The following PEPD variants were observed in gnomAD, a reference collection of about 807,000 sequenced individuals.
PEPD encodes the protein xaa-Pro dipeptidase.
PEPD carries 53 observed loss-of-function variants against 60.7 expected under a neutral mutation model. The ratio of observed to expected loss-of-function variants is 0.87; its 90% confidence interval spans 0.70 to 1.10. The LOEUF (loss-of-function observed/expected upper bound fraction) is 1.10, where lower values mean the gene tolerates loss of function less well. PEPD is among the 50% of genes least tolerant of loss of function. The pLI is 0.00. For missense variants in PEPD, 711 were observed against 711.9 expected (o/e 1.00, Z 0.01); for synonymous variants, 267 against 284.1 (o/e 0.94, Z 0.60).
chr19:33,457,917 C>T (rs1297909997), intron 9 of PEPD, among the ~76,000 whole-genome samples: 1 of 152,238 alleles, frequency 6.6e-6, no homozygotes, highest in Non-Finnish European at 1.5e-5. Context: ...TTGCAACCTG[C>T]TCCCAGGCTG....
chr19:33,402,365 G>A (rs1968516876), intron 11 of PEPD, among the ~76,000 whole-genome samples: 1 of 152,210 alleles, frequency 6.6e-6, no homozygotes, highest in African/African-American at 2.4e-5. Context: ...GGAGGGGGCT[G>A]GGCAGGGACC....
chr19:33,473,069 G>A (rs1232523743), intron 7 of PEPD, among the ~76,000 whole-genome samples: 1 of 151,942 alleles, frequency 6.6e-6, no homozygotes, highest in Non-Finnish European at 1.5e-5. Context: ...GCCAGGGACG[G>A]GCAGACGTGG....
intron 5 of PEPD, among the ~76,000 whole-genome samples, chr19:33,491,387 C>A (rs756811716): frequency 1.1e-4 from 16 of 152,112 alleles, no homozygotes; most frequent in Non-Finnish European, 1.9e-4. Flanking sequence ...GAGGTGGAGG[C>A]TGCGGTGAGC....
intron 9 of PEPD, among the ~76,000 whole-genome samples, chr19:33,447,142 T>A (rs1969608891): frequency 6.6e-6 from 1 of 152,148 alleles, no homozygotes; most frequent in Admixed American, 6.5e-5. Flanking sequence ...AAGAGTTCTA[T>A]CCCCAGGTGC....
intron 1 of PEPD, among the ~76,000 whole-genome samples, chr19:33,521,478 C>T (rs1367288891): frequency 1.3e-5 from 2 of 152,240 alleles, no homozygotes; most frequent in Admixed American, 6.5e-5. Context: ...CCAGCCCCCA[C>T]CGCAGCCGCA....
intron 9 of PEPD, among the ~76,000 whole-genome samples, chr19:33,421,405 G>C (rs565529385): frequency 9.9e-5 from 15 of 152,200 alleles, no homozygotes; most frequent in Non-Finnish European, 1.9e-4. Flanking sequence ...CCAGCGCAGG[G>C]GCTGGGCTGA....
chr19:33,408,069 A>G (rs947829796), intron 11 of PEPD, among the ~76,000 whole-genome samples: 7 of 152,222 alleles, frequency 4.6e-5, no homozygotes, highest in African/African-American at 7.2e-5. Context: ...CCAACAGTGG[A>G]CTCAGCCTAG....
At chr19:33,514,133 G>C (rs1970983966) in intron 1 of PEPD, among the ~76,000 whole-genome samples, 1 of 152,170 alleles carries the variant, frequency 6.6e-6, no homozygotes, top group South Asian at 2.1e-4. Context: ...AGAGATAATG[G>C]GGATGAGGTG....
chr19:33,404,462 A>G (rs915469682), intron 11 of PEPD, among the ~76,000 whole-genome samples: 22 of 152,008 alleles, frequency 1.4e-4, no homozygotes, highest in African/African-American at 5.3e-4. Context: ...TTAAAAAACA[A>G]CAACAACAAC....
chr19:33,487,439 TG>T (rs1382034858), intron 6 of PEPD: 1 of 152,338 alleles, frequency 6.6e-6, no homozygotes, highest in Non-Finnish European at 1.5e-5. Context: ...CATGGGTGGA[TG>T]GCCCCCTGCA....
At chr19:33,390,089 G>C (rs1968178699) in intron 13 of PEPD, among the ~76,000 whole-genome samples, 1 of 152,264 alleles carries the variant, frequency 6.6e-6, no homozygotes, top group Non-Finnish European at 1.5e-5. Flanking sequence ...AGGAGCCCCA[G>C]ATGTGTCTGC....
intron 12 of PEPD, among the ~76,000 whole-genome samples, chr19:33,400,286 T>C (rs1388995905): frequency 1.3e-5 from 2 of 152,210 alleles, no homozygotes; most frequent in Non-Finnish European, 2.9e-5. Context: ...AGAAGGTGGC[T>C]GGGGCCTGTG....
chr19:33,490,626 G>A (rs1970481166), intron 5 of PEPD, among the ~76,000 whole-genome samples: 1 of 152,074 alleles, frequency 6.6e-6, no homozygotes, highest in Non-Finnish European at 1.5e-5. Context: ...GAGAAAAATG[G>A]GCCCTCTCCA....
In PEPD at chr19:33,439,275, G is replaced by A. The variant is rs557366670; in HGVS notation, c.671+23720C>T. Among the ~76,000 whole-genome samples the A allele has an allele frequency of 9.8e-5, 15 of 152,344 alleles. No individual in the cohort carries two copies. In the South Asian group the frequency reaches 2.9e-3, roughly 29 times the overall value. On this transcript the variant is annotated intron_variant, in intron 9 of 14. Coordinates refer to ENST00000244137, the MANE Select transcript of PEPD (RefSeq NM_000285.4). ...CTAGCACCTTAGTCCTGTGCCTCCT[G>A]GCCTTCCTGCCCCCTGCCTCCCTCT...
intron 11 of PEPD, among the ~76,000 whole-genome samples, chr19:33,405,000 G>A (rs1213311721): frequency 6.6e-6 from 1 of 152,236 alleles, no homozygotes; most frequent in Non-Finnish European, 1.5e-5. Context: ...GCTCAATCGA[G>A]AACAGGCACG....
At chr19:33,492,224 G>A (rs1349620475) in intron 5 of PEPD, among the ~76,000 whole-genome samples, 4 of 151,852 alleles carry the variant, frequency 2.6e-5, no homozygotes, top group East Asian at 1.9e-4. Flanking sequence ...CCCTGCCGGC[G>A]TACCCAGAGC....
intron 9 of PEPD, among the ~76,000 whole-genome samples, chr19:33,431,718 C>T (rs1969277809): frequency 6.6e-6 from 1 of 151,976 alleles, no homozygotes; most frequent in Non-Finnish European, 1.5e-5. Context: ...TTAGGCAGGT[C>T]GTGGTGGCTC....
At chr19:33,421,729 A>G (rs1462782802) in intron 9 of PEPD, among the ~76,000 whole-genome samples, 1 of 152,046 alleles carries the variant, frequency 6.6e-6, no homozygotes, top group East Asian at 1.9e-4. Flanking sequence ...TCCTGGGCTC[A>G]AGCGATCCTC....
In PEPD at chr19:33,512,875, G is replaced by A. The variant is rs569800795; in HGVS notation, c.18-99C>T. The A allele has an allele frequency of 3.7e-5, 50 of 1,359,820 alleles. No individual in the cohort carries two copies. In the African/African-American group the frequency reaches 4.0e-4, roughly 11 times the overall value. 84.2% of individuals were successfully genotyped at this position (1,359,820 alleles called of 1,614,324 possible). A position where few individuals can be genotyped will look rare whatever the true frequency, so the allele number is the denominator to read the frequency against. On this transcript the variant is annotated intron_variant, in intron 1 of 14. Coordinates refer to ENST00000244137, the MANE Select transcript of PEPD (RefSeq NM_000285.4). ...GGGTGACCGGAGGCCCGAGCCTGCC[G>A]TGGGACCCCCATCAGCACGGGGCAA...
Sources: gnomAD v4.1 joint callset for allele counts (sites outside exome capture counted in the v4.1 genomes callset) on GRCh38, gnomAD v4.1.1 for gene constraint, MANE v1.5 for transcripts, NCBI Gene and HGNC (gene_info 2026-07-23, HGNC 2026-07-21) for gene names.